STYXL2: variants seen among roughly 807,000 people sequenced by gnomAD.
STYXL2 encodes the protein serine/threonine/tyrosine-interacting-like protein 2.
A neutral mutation model predicts 52.4 loss-of-function variants in STYXL2; 44 were observed. The observed-to-expected ratio is 0.84, with a 90% CI of 0.66 to 1.08. The LOEUF is 1.08. Among genes scored for constraint, STYXL2 ranks in the 50% least tolerant of loss-of-function variants. The probability of loss-of-function intolerance (pLI) is 0.00; values close to 1 mark genes in which losing one functional copy is unlikely to be tolerated. For synonymous variants in STYXL2, 604 were observed against 586.9 expected (o/e 1.03, Z -0.42); for missense variants, 1,604 against 1,471.7 (o/e 1.09, Z -1.47).
chr1:167,116,976 G>A (rs1223069532), intron 3 of STYXL2, among the ~76,000 whole-genome samples: 1 of 152,156 alleles, frequency 6.6e-6, no homozygotes, highest in African/African-American at 2.4e-5. Flanking sequence ...CATCCACTTT[G>A]TACTGGGCAC....
rs995699801 is a variant in STYXL2, at chr1:167,128,855, A to G, written c.*247A>G. On this transcript the variant is annotated 3_prime_UTR_variant, in exon 6 of 6. Coordinates refer to ENST00000361200, the MANE Select transcript of STYXL2 (RefSeq NM_001080426.3). Reference sequence around the variant, plus strand: ...CAACTGATACCATTTTCTGTTGCTCAGCGCCCTCTAAGCTTTGGTGTTTCA... The same window carrying G: ...CAACTGATACCATTTTCTGTTGCTCGGCGCCCTCTAAGCTTTGGTGTTTCA... 101 of 539,978 alleles carry G rather than the reference A, an allele frequency of 1.9e-4. No individual in the cohort carries two copies. The highest frequency in any genetic ancestry group is 4.1e-5 in the Non-Finnish European group (13 of 313,870). The allele number at this position is 539,978 out of a possible 1,614,324, so 33.4% of individuals were successfully genotyped here. A position where few individuals can be genotyped will look rare whatever the true frequency, so the allele number is the denominator to read the frequency against.
In STYXL2 at chr1:167,107,676, T is replaced by A. The variant is rs374827440; in HGVS notation, c.111-6034T>A. ...GAGTCAGAAATTATCTATGAAACAT[T>A]TACTGTGTGCCAGACATTCTCCTAG... On this transcript the variant is annotated intron_variant, in intron 2 of 5. Transcript: ENST00000361200. Among the ~76,000 whole-genome samples, 20 of 152,306 alleles carry A rather than the reference T, an allele frequency of 1.3e-4. 2 individuals are homozygous for A. The South Asian group carries it at 4.1e-3, about 32-fold the overall frequency.
In STYXL2 at chr1:167,128,484, C is replaced by G. The variant is rs200618358; in HGVS notation, c.3353C>G (p.Ser1118Cys). Residue 1118 changes from serine (S) to cysteine (C), a missense_variant, in exon 6 of 6, where the codon TCC (serine) becomes TGC (cysteine). Ser to Cys is a moderately radical substitution (Grantham distance 112). Transcript: ENST00000361200. ...GGGAGGTTTGCATCTGGACGGCGGT[C>G]CCAGTATCGGAGAAGCACTGACAGG... The part of the protein sequence containing the change: ...EEGRFASGRR[S>C]QYRRSTDREE... The G allele has an allele frequency of 1.4e-5, 22 of 1,613,878 alleles. No individual in the cohort carries two copies. Among genetic ancestry groups the G allele is most frequent in the Non-Finnish European group, 8.5e-7 (1 of 1,179,922 alleles).
intron 5 of STYXL2, among the ~76,000 whole-genome samples, chr1:167,124,137 C>A (rs781531606): frequency 6.6e-6 from 1 of 151,860 alleles, no homozygotes; most frequent in Non-Finnish European, 1.5e-5. Flanking sequence ...TCTCAAACTC[C>A]TGGCCTCAAG....
chr1:167,119,438 C>T lies in STYXL2; in HGVS notation c.627C>T (p.Phe209=), dbSNP rs1221599303. The change falls in exon 5 of 6, where the codon TTC becomes TTT. Residue 209 remains phenylalanine (F), a synonymous_variant. Transcript: ENST00000361200. ...AGCATTTCCGGAAGGCGTCTGAGTT[C>T]CTGGATGAGGCGCTGCTGACTTACA... ...ISQHFRKASE[F]LDEALLTYRG... is the part of the protein sequence containing the mutation. 1 of 1,614,056 alleles carries T rather than the reference C, an allele frequency of 6.2e-7. No homozygotes were observed. The highest frequency in any genetic ancestry group is 1.3e-5 in the African/African-American group (1 of 74,938).
At chr1:167,114,659 G>A (rs1208006691) in intron 3 of STYXL2, among the ~76,000 whole-genome samples, 1 of 152,184 alleles carries the variant, frequency 6.6e-6, no homozygotes, top group Non-Finnish European at 1.5e-5. Context: ...TGGACCTCTT[G>A]CACACTTCAC....
At chr1:167,101,911 G>A (rs36047684) in intron 2 of STYXL2, among the ~76,000 whole-genome samples, 6,868 of 151,970 alleles carry the variant, frequency 0.045, 171 homozygotes, top group African/African-American at 0.063. Context: ...GTCCAATGAC[G>A]AGTGAATGGA....
intron 3 of STYXL2, 32 bp from the exon 4 acceptor site, chr1:167,117,294 ACT>A (rs1256075044): frequency 2.6e-6 from 4 of 1,552,100 alleles, no homozygotes; most frequent in African/African-American, 1.4e-5. Flanking sequence ...GATGTTCCTA[ACT>A]CTCTGATGAG....
intron 3 of STYXL2, 80 bp from the exon 4 acceptor site, chr1:167,117,248 C>A: frequency 7.7e-7 from 1 of 1,305,904 alleles, no homozygotes; most frequent in Non-Finnish European, 1.1e-6. Context: ...GCAAACTGGC[C>A]AAGAGCATGT....
Position 167,126,218 on chromosome 1 carries a change from G to T in STYXL2, c.1087G>T (p.Asp363Tyr). Reference protein sequence around the residue: ...QWKKGQGLLSDKVPQDGGGWR... With the variant: ...QWKKGQGLLSYKVPQDGGGWR... ...GAAGAAGGGGCAGGGCCTCCTCTCAGACAAGGTCCCCCAGGATGGAGGTGG... is the reference window on the plus strand; with the variant it reads ...GAAGAAGGGGCAGGGCCTCCTCTCATACAAGGTCCCCCAGGATGGAGGTGG... The change falls in exon 6 of 6, where the codon GAC (aspartate) becomes TAC (tyrosine). Residue 363 changes from aspartate to tyrosine, a missense_variant. Coordinates refer to ENST00000361200, the MANE Select transcript of STYXL2 (RefSeq NM_001080426.3). 6.5e-7 allele frequency: 1 copy of T among 1,541,970 alleles called. No individual in the cohort carries two copies. Among genetic ancestry groups the T allele is most frequent in the Non-Finnish European group, 8.7e-7 (1 of 1,149,956 alleles).
chr1:167,097,300 A>G (rs1667306540), intron 2 of STYXL2, among the ~76,000 whole-genome samples: 1 of 152,192 alleles, frequency 6.6e-6, no homozygotes, highest in Non-Finnish European at 1.5e-5. Flanking sequence ...AGCTTTTGGA[A>G]GTTCCTGGTT....
In STYXL2 at chr1:167,127,059, T is replaced by G; in HGVS notation, c.1928T>G (p.Met643Arg). Residue 643 changes from methionine to arginine, a missense_variant, in exon 6 of 6, where the codon ATG (methionine) becomes AGG (arginine). Coordinates refer to ENST00000361200, the MANE Select transcript of STYXL2 (RefSeq NM_001080426.3). ...SRQTLEESQSMASWEADSSTA... is the reference protein window; with the variant it reads ...SRQTLEESQSRASWEADSSTA... ...CAGACGCTGGAGGAGAGCCAGTCTA[T>G]GGCAAGCTGGGAGGCGGACAGCTCC... The G allele has an allele frequency of 6.2e-7, 1 of 1,612,058 alleles. No individual in the cohort carries two copies. The highest frequency in any genetic ancestry group is 8.5e-7 in the Non-Finnish European group (1 of 1,178,736).
Position 167,117,369 on chromosome 1 carries a change from G to A in STYXL2, c.247G>A (p.Gly83Ser). ...GGTCAGAGCAGACGCAGAGTGTCCA[G>A]GCATGCTGGAGTCTGCTGAACAGCT... ...PGVRADAECP[G>S]MLESAEQLLV... Residue 83 changes from glycine to serine, a missense_variant, in exon 4 of 6, where the codon GGC (glycine) becomes AGC (serine). Physicochemically the swap from Gly to Ser is moderately conservative, Grantham distance 56 (BLOSUM62 0). Coordinates refer to ENST00000361200, the MANE Select transcript of STYXL2 (RefSeq NM_001080426.3). 1.2e-6 allele frequency: 2 copies of A among 1,612,290 alleles called. No individual in the cohort carries two copies. The highest frequency in any genetic ancestry group is 1.7e-6 in the Non-Finnish European group (2 of 1,179,270).
chr1:167,128,847 TGTTGCTC>T lies in STYXL2; in HGVS notation c.*240_*246del. 3.5e-6 allele frequency: 2 copies of T among 566,666 alleles called. No homozygotes were observed. The highest frequency in any genetic ancestry group is 3.5e-5 in the Admixed American group (1 of 28,690). The allele number at this position is 566,666 out of a possible 1,614,324, so 35.1% of individuals were successfully genotyped here. On this transcript the variant is annotated 3_prime_UTR_variant, in exon 6 of 6. Coordinates refer to ENST00000361200, the MANE Select transcript of STYXL2 (RefSeq NM_001080426.3). ...ATGCGGACCAACTGATACCATTTTC[TGTTGCTC>T]AGCGCCCTCTAAGCTTTGGTGTTTC...
In STYXL2 at chr1:167,119,514, A is replaced by G. The variant is rs141993270; in HGVS notation, c.655+48A>G. 124 of 1,541,516 alleles carry G rather than the reference A, an allele frequency of 8.0e-5. No individual in the cohort carries two copies. In the African/African-American group the frequency reaches 1.5e-3, roughly 19 times the overall value. The stretch of plus-strand genomic sequence containing the variant: ...GGCTGCTGGAATTCCACGGGGGAAA[A>G]GTAATGTGGGGAATGTTATGAAAAC... On this transcript the variant is annotated intron_variant, in intron 5 of 5. Transcript: ENST00000361200.
At chr1:167,111,702 G>A (rs1667627019) in intron 2 of STYXL2, among the ~76,000 whole-genome samples, 1 of 151,696 alleles carries the variant, frequency 6.6e-6, no homozygotes, top group Non-Finnish European at 1.5e-5. Context: ...GTACGAGGAG[G>A]CAAAGGCATA....
chr1:167,121,268 C>T (rs966907105), intron 5 of STYXL2, among the ~76,000 whole-genome samples: 2 of 152,208 alleles, frequency 1.3e-5, no homozygotes, highest in Admixed American at 1.3e-4. Flanking sequence ...CCGCCTCGGC[C>T]TCCAAAAGTG....
rs1227188061 is a variant in STYXL2 at position 167,125,820 on chromosome 1, G to C, written c.689G>C (p.Ser230Thr). 6.2e-7 allele frequency: 1 copy of C among 1,608,614 alleles called. No individual in the cohort carries two copies. Among genetic ancestry groups the C allele is most frequent in the Non-Finnish European group, 8.5e-7 (1 of 1,177,932 alleles). Residue 230 changes from serine to threonine, a missense_variant, in exon 6 of 6, where the codon AGC (serine) becomes ACC (threonine). Transcript: ENST00000361200. ...CTGGTCAGCAGCGAAATGGGCATCAGCCGGTCAGCAGTGCTGGTGGTCGCC... is the reference window on the plus strand; with the variant it reads ...CTGGTCAGCAGCGAAATGGGCATCACCCGGTCAGCAGTGCTGGTGGTCGCC... ...KVLVSSEMGI[S>T]RSAVLVVAYL... is the part of the protein sequence containing the mutation.
intron 2 of STYXL2, among the ~76,000 whole-genome samples, chr1:167,109,198 G>C (rs556485999): frequency 6.4e-4 from 97 of 152,338 alleles, no homozygotes; most frequent in African/African-American, 2.0e-3. Context: ...AACAGGAAGT[G>C]CAAACAAGAG....
Sources: gnomAD v4.1 joint callset for allele counts (sites outside exome capture counted in the v4.1 genomes callset) on GRCh38, gnomAD v4.1.1 for gene constraint, MANE v1.5 for transcripts, NCBI Gene and HGNC (gene_info 2026-07-23, HGNC 2026-07-21) for gene names.